The following ARIH1 variants were observed in gnomAD, a reference collection of about 807,000 sequenced individuals.
ARIH1 encodes the protein E3 ubiquitin-protein ligase ARIH1.
ARIH1 carries 8 observed loss-of-function variants against 85.0 expected under a neutral mutation model. That is an observed-to-expected ratio of 0.09 (90% CI 0.06 to 0.17). The LOEUF (loss-of-function observed/expected upper bound fraction) is 0.17, where lower values mean the gene tolerates loss of function less well. Among genes scored for constraint, ARIH1 ranks in the 10% least tolerant of loss-of-function variants. The pLI, the probability that ARIH1 is intolerant of heterozygous loss-of-function variation, is 1.00. For missense variants in ARIH1, 311 were observed against 718.1 expected, an observed-to-expected ratio of 0.43 and a Z score of 6.48; for synonymous variants, 238 against 253.6, an observed-to-expected ratio of 0.94 and a Z score of 0.59.
Position 72,532,317 on chromosome 15 carries a change from A to G in ARIH1, c.444-12503A>G, listed in dbSNP as rs183901119. On this transcript the variant is annotated intron_variant, in intron 2 of 13. Transcript: ENST00000379887. ...AAAACTCTTAAAATTATGGACAACT[A>G]TTCAAACTTGATAGACGAAATGGGT... Among the ~76,000 whole-genome samples, 6 of 152,238 alleles carry G rather than the reference A, an allele frequency of 3.9e-5. No homozygotes were observed. The East Asian group carries it at 9.6e-4, about 24-fold the overall frequency.
In ARIH1 at chr15:72,580,568, CCTT is replaced by C. The variant is rs143352398; in HGVS notation, c.1216-159_1216-157del. The C allele has an allele frequency of 3.4e-4, 226 of 670,194 alleles. No individual in the cohort carries two copies. The African/African-American group carries it at 3.8e-3, about 11-fold the overall frequency. 41.5% of individuals were successfully genotyped at this position (670,194 alleles called of 1,614,324 possible). ...CCCATCAACAGTGTATCAAGAGTCTCCTTCTTTCTTTATCTTTGCCAAGACTTA... is the reference window on the plus strand; with the variant it reads ...CCCATCAACAGTGTATCAAGAGTCTCCTTTCTTTATCTTTGCCAAGACTTA... On this transcript the variant is annotated intron_variant, in intron 11 of 13. Transcript: ENST00000379887.
chr15:72,524,403 T>G (rs527616272), intron 2 of ARIH1, among the ~76,000 whole-genome samples: 2 of 150,512 alleles, frequency 1.3e-5, no homozygotes, highest in East Asian at 3.9e-4. Flanking sequence ...TTGGTAGAGA[T>G]GGGGTTTTGC....
chr15:72,583,203 T>A lies in ARIH1; in HGVS notation c.1590-5T>A. On this transcript the variant is annotated splice_polypyrimidine_tract_variant and splice_region_variant and intron_variant, in intron 13 of 13. Transcript: ENST00000379887. The stretch of plus-strand genomic sequence containing the variant: ...AAGTTTTTTTTTTTTTCTCTTTGAT[T>A]ACAGATACTGTGAGAGTCGACGAAG... 1 of 1,602,288 alleles carries A rather than the reference T, an allele frequency of 6.2e-7. No homozygotes were observed. The highest frequency in any genetic ancestry group is 8.5e-7 in the Non-Finnish European group (1 of 1,174,910).
At chr15:72,478,947 C>T (rs2063804688) in intron 1 of ARIH1, among the ~76,000 whole-genome samples, 1 of 152,166 alleles carries the variant, frequency 6.6e-6, no homozygotes, top group Non-Finnish European at 1.5e-5. Flanking sequence ...AAGTGATTCT[C>T]CCGCCTCAGC....
intron 1 of ARIH1, among the ~76,000 whole-genome samples, chr15:72,507,495 C>G (rs1248055414): frequency 6.6e-6 from 1 of 152,064 alleles, no homozygotes; most frequent in South Asian, 2.1e-4. Flanking sequence ...CCTCACTCCC[C>G]CCATATTCTG....
At chr15:72,493,436 C>T (rs1484960644) in intron 1 of ARIH1, among the ~76,000 whole-genome samples, 1 of 152,144 alleles carries the variant, frequency 6.6e-6, no homozygotes, top group Non-Finnish European at 1.5e-5. Context: ...AGCACATGTG[C>T]ACCCTGCTCA....
rs1025176961 is a variant in ARIH1 at position 72,590,775 on chromosome 15, C to T, written c.*7483C>T. On this transcript the variant is annotated 3_prime_UTR_variant, in exon 14 of 14. Coordinates refer to ENST00000379887, the MANE Select transcript of ARIH1 (RefSeq NM_005744.5). ...CAATGGCTTTATATACATAATATTT[C>T]CTCAGCAACAATTTATGTCTTATTT... The T allele has an allele frequency of 2.6e-5, 4 of 152,104 alleles. No homozygotes were observed. Among genetic ancestry groups the T allele is most frequent in the African/African-American group, 9.7e-5 (4 of 41,422 alleles). 9.4% of individuals were successfully genotyped at this position (152,104 alleles called of 1,614,324 possible).
rs2064345052 is a variant in ARIH1 at position 72,591,891 on chromosome 15, A to G, written c.*8599A>G. ...TCTATCTAACTAGGGAAAGCACTAA[A>G]GAGTTTTCCAATAAGGAAGAATGAT... On this transcript the variant is annotated 3_prime_UTR_variant, in exon 14 of 14. Transcript: ENST00000379887. 6.6e-6 allele frequency: 1 copy of G among 152,232 alleles called. No homozygotes were observed. The highest frequency in any genetic ancestry group is 2.4e-5 in the African/African-American group (1 of 41,456). 9.4% of individuals were successfully genotyped at this position (152,232 alleles called of 1,614,324 possible).
intron 3 of ARIH1, among the ~76,000 whole-genome samples, chr15:72,548,189 G>A (rs2064137751): frequency 2.0e-5 from 3 of 152,150 alleles, no homozygotes; most frequent in Admixed American, 1.3e-4. Flanking sequence ...CTGTGGGAAC[G>A]TGTTGGAGGG....
intron 5 of ARIH1, among the ~76,000 whole-genome samples, chr15:72,556,739 C>G (rs1567355275): frequency 1.3e-5 from 2 of 152,158 alleles, no homozygotes; most frequent in South Asian, 2.1e-4. Context: ...CTAGTAGTCC[C>G]CAGTCTAAAT....
rs1036423261 is a variant in ARIH1, at chr15:72,580,631, G to T, written c.1216-100G>T. On this transcript the variant is annotated intron_variant, in intron 11 of 13. Transcript: ENST00000379887. Reference sequence around the variant, plus strand: ...TTTTTGATAAAAACCATTCTAACAGGTGTGAAGTGAGACTTCATTATGGTT... The same window carrying T: ...TTTTTGATAAAAACCATTCTAACAGTTGTGAAGTGAGACTTCATTATGGTT... 3 of 1,089,778 alleles carry T rather than the reference G, an allele frequency of 2.8e-6. No homozygotes were observed. In the Admixed American group the frequency reaches 8.0e-5, roughly 29 times the overall value. 67.5% of individuals were successfully genotyped at this position (1,089,778 alleles called of 1,614,324 possible).
chr15:72,493,908 A>G (rs910497234), intron 1 of ARIH1, among the ~76,000 whole-genome samples: 2 of 152,072 alleles, frequency 1.3e-5, no homozygotes, highest in African/African-American at 2.4e-5. Flanking sequence ...GCATACATAT[A>G]TTTTCTTGGT....
In ARIH1 at chr15:72,586,343, G is replaced by A. The variant is rs1333584840; in HGVS notation, c.*3051G>A. 4 of 152,190 alleles carry A rather than the reference G, an allele frequency of 2.6e-5. 1 individual carries two copies. Among genetic ancestry groups the A allele is most frequent in the Admixed American group, 6.5e-5 (1 of 15,282 alleles). The allele number at this position is 152,190 out of a possible 1,614,324, so 9.4% of individuals were successfully genotyped here. A position where few individuals can be genotyped will look rare whatever the true frequency, so the allele number is the denominator to read the frequency against. On this transcript the variant is annotated 3_prime_UTR_variant, in exon 14 of 14. Transcript: ENST00000379887. ...ACAAATTATTTTAGCTACAAACCCC[G>A]GTAATAGAGCACTTGGGGGATGGGA...
At chr15:72,549,088 C>CTT (rs528063272) in intron 3 of ARIH1, among the ~76,000 whole-genome samples, 58 of 139,326 alleles carry the variant, frequency 4.2e-4, no homozygotes, top group African/African-American at 7.7e-4. Flanking sequence ...CTCTCTCTCT[C>CTT]TTTTTTTTTT....
At chr15:72,534,616 A>G (rs2064072750) in intron 2 of ARIH1, among the ~76,000 whole-genome samples, 2 of 152,306 alleles carry the variant, frequency 1.3e-5, no homozygotes, top group South Asian at 4.1e-4. Flanking sequence ...CTGCTCTCCT[A>G]GGCTCTAGTA....
Position 72,572,099 on chromosome 15 carries a change from T to A in ARIH1, c.1158-9T>A. ...TTTTCTTTATGGAATCCTCTTTATT[T>A]ACTTGAAGGTACAACTGTAACCGCT... On this transcript the variant is annotated splice_polypyrimidine_tract_variant and intron_variant, in intron 10 of 13. Coordinates refer to ENST00000379887, the MANE Select transcript of ARIH1 (RefSeq NM_005744.5). 1.3e-6 allele frequency: 2 copies of A among 1,573,458 alleles called. No individual in the cohort carries two copies. The highest frequency in any genetic ancestry group is 2.4e-5 in the South Asian group (2 of 84,600).
At chr15:72,484,002 C>G (rs2063826816) in intron 1 of ARIH1, among the ~76,000 whole-genome samples, 2 of 150,040 alleles carry the variant, frequency 1.3e-5, no homozygotes, top group African/African-American at 2.5e-5. Flanking sequence ...GAAACCCCGT[C>G]TCTACTAAAA....
chr15:72,555,175 T>TA, intron 3 of ARIH1, 96 bp from the exon 4 acceptor site: 1 of 862,416 alleles, frequency 1.2e-6, no homozygotes, highest in Non-Finnish European at 1.8e-6. Flanking sequence ...TTTAGCCACG[T>TA]AAGAAATGTG....
intron 1 of ARIH1, 57 bp downstream of exon 1, chr15:72,475,071 G>A: frequency 6.5e-7 from 1 of 1,541,080 alleles, no homozygotes; most frequent in East Asian, 2.5e-5. Flanking sequence ...GGATTCAGGC[G>A]GCACGCGCGG....
Sources: gnomAD v4.1 joint callset for allele counts (sites outside exome capture counted in the v4.1 genomes callset) on GRCh38, gnomAD v4.1.1 for gene constraint, MANE v1.5 for transcripts, NCBI Gene and HGNC (gene_info 2026-07-23, HGNC 2026-07-21) for gene names.